GLT8D2: variants seen among roughly 807,000 people sequenced by gnomAD.
The protein encoded by GLT8D2 is glycosyltransferase 8 domain containing 2.
A neutral mutation model predicts 44.5 loss-of-function variants in GLT8D2; 45 were observed. The observed-to-expected ratio is 1.01, with a 90% confidence interval of 0.80 to 1.30. The LOEUF is 1.30. GLT8D2 is among the 50% of genes most tolerant of loss of function. The pLI, the probability that GLT8D2 is intolerant of heterozygous loss-of-function variation, is 0.00. For synonymous variants in GLT8D2, 156 were observed against 157.2 expected (o/e 0.99, Z 0.06); for missense variants, 400 against 430.4 (o/e 0.93, Z 0.62).
intron 1 of GLT8D2, among the ~76,000 whole-genome samples, chr12:104,060,040 C>G (rs571796478): frequency 5.1e-4 from 78 of 152,286 alleles, no homozygotes; most frequent in African/African-American, 1.9e-3. Context: ...TAATTCTAGG[C>G]CACTACTAAC....
At chr12:104,051,928 A>T (rs905544406), upstream of GLT8D2, among the ~76,000 whole-genome samples, 27 of 152,212 alleles carry the variant, frequency 1.8e-4, no homozygotes, top group African/African-American at 6.5e-4. Context: ...TGATCTTTAC[A>T]AATTATATGA....
chr12:104,022,774 A>ACATG (rs1878076566), intron 1 of GLT8D2, among the ~76,000 whole-genome samples: 3 of 149,690 alleles, frequency 2.0e-5, no homozygotes, highest in African/African-American at 7.5e-5. Flanking sequence ...ACACACATGC[A>ACATG]CACACACACA....
Position 103,994,578 on chromosome 12 carries a change from C to T in GLT8D2, c.601-77G>A, listed in dbSNP as rs1873181184. ...GGAAAATGATCATTTTCTTGAAACC[C>T]TTGTGCAGTATCTTTGGGTTTCCTC... On this transcript the variant is annotated intron_variant, in intron 8 of 10. Transcript: ENST00000360814. The T allele has an allele frequency of 2.2e-6, 3 of 1,357,496 alleles. No individual in the cohort carries two copies. In the East Asian group the frequency reaches 7.1e-5, roughly 32 times the overall value. 84.1% of individuals were successfully genotyped at this position (1,357,496 alleles called of 1,614,324 possible).
At chr12:104,047,769 G>A (rs1881329898) in intron 1 of GLT8D2, among the ~76,000 whole-genome samples, 2 of 152,170 alleles carry the variant, frequency 1.3e-5, no homozygotes, top group South Asian at 4.1e-4. Context: ...CATAGCACTA[G>A]GGGTGCAGGA....
At chr12:103,992,400 G>C (rs932551879) in intron 10 of GLT8D2, among the ~76,000 whole-genome samples, 3 of 151,676 alleles carry the variant, frequency 2.0e-5, no homozygotes, top group African/African-American at 7.3e-5. Context: ...TTTGTCCACT[G>C]TAAGTTACTG....
At chr12:104,042,625 G>A (rs1880677586) in intron 1 of GLT8D2, among the ~76,000 whole-genome samples, 1 of 152,150 alleles carries the variant, frequency 6.6e-6, no homozygotes, top group Admixed American at 6.5e-5. Flanking sequence ...ATAGAGAACT[G>A]GAGAACCAAG....
At chr12:103,999,585 G>A (rs1478891391) in intron 5 of GLT8D2, 71 bp from the exon 6 acceptor site, 4 of 878,308 alleles carry the variant, frequency 4.6e-6, no homozygotes, top group Non-Finnish European at 5.7e-6. Flanking sequence ...TTGCCCCAAG[G>A]TCAATCTGTT....
Position 103,993,489 on chromosome 12 carries a change from G to A in GLT8D2, c.783C>T (p.Ser261=), listed in dbSNP as rs569424937. The A allele has an allele frequency of 4.4e-5, 69 of 1,580,626 alleles. No homozygotes were observed. In the South Asian group the frequency reaches 7.9e-4, roughly 18 times the overall value. Residue 261 remains serine, a synonymous_variant, in exon 10 of 11, where the codon AGC becomes AGT. Coordinates refer to ENST00000360814, the MANE Select transcript of GLT8D2 (RefSeq NM_001384711.1). ...TGGCCACCCCTCCTCCCAGGGAGCTGCTATAGAGGTTTTCCCTAAGAAATG... is the reference window on the plus strand; with the variant it reads ...TGGCCACCCCTCCTCCCAGGGAGCTACTATAGAGGTTTTCCCTAAGAAATG... ...MQKNVEENLY[S]SSLGGGVATS... is the part of the protein sequence containing the mutation.
At chr12:104,035,244 C>T (rs1879798625) in intron 1 of GLT8D2, among the ~76,000 whole-genome samples, 1 of 152,166 alleles carries the variant, frequency 6.6e-6, no homozygotes, top group Non-Finnish European at 1.5e-5. Flanking sequence ...ATTCTAAAAA[C>T]CAGAGCGCCT....
At chr12:104,063,586 G>A (rs1882879979) in intron 1 of GLT8D2, among the ~76,000 whole-genome samples, 1 of 152,146 alleles carries the variant, frequency 6.6e-6, no homozygotes, top group Non-Finnish European at 1.5e-5. Flanking sequence ...GCTACCAGAG[G>A]CAGTATGGTA....
chr12:104,018,268 G>A (rs1010839621), intron 3 of GLT8D2, among the ~76,000 whole-genome samples: 7 of 152,040 alleles, frequency 4.6e-5, no homozygotes, highest in Non-Finnish European at 1.0e-4. Flanking sequence ...CACCGCACCT[G>A]GCCTGTATTA....
intron 10 of GLT8D2, among the ~76,000 whole-genome samples, chr12:103,990,131 A>ATC (rs1872574322): frequency 4.2e-5 from 4 of 94,350 alleles, no homozygotes; most frequent in Non-Finnish European, 4.3e-5. Context: ...ATATATATAT[A>ATC]TATGTAGGAT....
rs114766445 is a variant in GLT8D2 at position 104,044,127 on chromosome 12, C to T, written c.-164+5768G>A. 8.2e-3 allele frequency among the ~76,000 whole-genome samples: 1,247 copies of T among 152,300 alleles called. 23 individuals carry two copies. The highest frequency in any genetic ancestry group is 0.028 in the African/African-American group (1,143 of 41,558). ...ATAAGGTATCGCGTGATCACACCGG[C>T]CTCCTTGCCAGACAGCCTCCTGCCT... is the stretch of plus-strand genomic sequence containing the variant. On this transcript the variant is annotated intron_variant, in intron 1 of 10. Coordinates refer to ENST00000360814, the MANE Select transcript of GLT8D2 (RefSeq NM_001384711.1).
intron 6 of GLT8D2, among the ~76,000 whole-genome samples, chr12:103,998,310 C>T (rs1197272563): frequency 1.3e-5 from 2 of 151,632 alleles, no homozygotes; most frequent in African/African-American, 4.9e-5. Flanking sequence ...TCACAGCTCA[C>T]TACAGCCTCG....
chr12:103,993,588 T>A, intron 9 of GLT8D2, 84 bp from the exon 10 acceptor site: 3 of 830,186 alleles, frequency 3.6e-6, no homozygotes, highest in Non-Finnish European at 5.6e-6. Context: ...GTAAATGATG[T>A]AAGACATTAT....
chr12:104,034,485 T>C (rs1265735030), intron 1 of GLT8D2, among the ~76,000 whole-genome samples: 2 of 152,254 alleles, frequency 1.3e-5, no homozygotes, highest in Non-Finnish European at 2.9e-5. Context: ...ACCAGGAGAT[T>C]ACATCCTGTG....
At chr12:103,993,583 T>C in intron 9 of GLT8D2, 79 bp from the exon 10 acceptor site, 4 of 865,360 alleles carry the variant, frequency 4.6e-6, no homozygotes, top group Non-Finnish European at 7.1e-6. Context: ...ATATTGTAAA[T>C]GATGTAAGAC....
At chr12:104,056,770 A>G in intron 1 of GLT8D2, among the ~76,000 whole-genome samples, 1 of 152,256 alleles carries the variant, frequency 6.6e-6, no homozygotes, top group South Asian at 2.1e-4. Flanking sequence ...ATTACTATGT[A>G]AATAACAGAT....
chr12:104,052,650 CT>C (rs1179706055), upstream of GLT8D2, among the ~76,000 whole-genome samples: 3 of 152,280 alleles, frequency 2.0e-5, no homozygotes, highest in African/African-American at 7.2e-5. Context: ...TTATATGCCC[CT>C]ATTCTAAATC....
Sources: allele counts gnomAD v4.1 joint callset (sites outside exome capture counted in the v4.1 genomes callset), GRCh38; gene constraint gnomAD v4.1.1; transcripts MANE v1.5; gene names NCBI Gene and HGNC (gene_info 2026-07-23, HGNC 2026-07-21).